Variants in CLNK observed in about 807,000 individuals in gnomAD.
CLNK encodes the protein cytokine-dependent hematopoietic cell linker.
CLNK carries 74 observed loss-of-function variants against 68.6 expected under a neutral mutation model. That is an observed-to-expected ratio of 1.08 (90% CI 0.89 to 1.31). CLNK has a LOEUF of 1.31. Among genes scored for constraint, CLNK ranks in the 50% most tolerant of loss-of-function variants. The pLI is 0.00. For synonymous variants in CLNK, 198 were observed against 172.2 expected, an observed-to-expected ratio of 1.15 and a Z score of -1.17; for missense variants, 553 against 515.3, an observed-to-expected ratio of 1.07 and a Z score of -0.71.
At chr4:10,573,263 G>C (rs1294146176) in intron 4 of CLNK, among the ~76,000 whole-genome samples, 2 of 152,116 alleles carry the variant, frequency 1.3e-5, no homozygotes, top group African/African-American at 4.8e-5. Context: ...TGCAAATTTG[G>C]CTCAGTGGAA....
chr4:10,651,172 AT>A (rs572654808), intron 2 of CLNK, among the ~76,000 whole-genome samples: 2 of 152,210 alleles, frequency 1.3e-5, no homozygotes, highest in Non-Finnish European at 2.9e-5. Context: ...CAGAAATACC[AT>A]TTGACCCAGC....
Position 10,490,476 on chromosome 4 carries a change from C to T in CLNK, c.1278G>A (p.Leu426=). 1 of 1,613,454 alleles carries T rather than the reference C, an allele frequency of 6.2e-7. No homozygotes were observed. Among genetic ancestry groups the T allele is most frequent in the Non-Finnish European group, 8.5e-7 (1 of 1,179,738 alleles). ...TAACACAAAGACCAGGCTACAGAGG[C>T]AAGAGGTGTCTGGTGAGAGGGAGTG... ...TQPLPLTRHL[L]PL Residue 426 remains leucine, a synonymous_variant, in exon 19 of 19, where the codon TTG becomes TTA. Coordinates refer to ENST00000226951, the MANE Select transcript of CLNK (RefSeq NM_052964.4).
Position 10,624,584 on chromosome 4 carries a change from G to A in CLNK, c.12-26535C>T, listed in dbSNP as rs554911677. Among the ~76,000 whole-genome samples, 4 of 143,434 alleles carry A rather than the reference G, an allele frequency of 2.8e-5. No homozygotes were observed. The East Asian group carries it at 8.3e-4, about 30-fold the overall frequency. The allele number at this position is 143,434 out of a possible 152,430, so 94.1% of individuals were successfully genotyped here. A position where few individuals can be genotyped will look rare whatever the true frequency, so the allele number is the denominator to read the frequency against. On this transcript the variant is annotated intron_variant, in intron 2 of 18. Transcript: ENST00000226951. ...TGGGATTACAGGCGTGAGCCACCGC[G>A]CCCGGCCAGTTTTTTTTTTTTTTTT...
intron 17 of CLNK, among the ~76,000 whole-genome samples, chr4:10,502,335 C>A (rs532387349): frequency 1.3e-5 from 2 of 152,028 alleles, no homozygotes; most frequent in Non-Finnish European, 2.9e-5. Context: ...GGGAGAGGAG[C>A]CCCTTATAAA....
intron 2 of CLNK, among the ~76,000 whole-genome samples, chr4:10,633,721 A>G (rs1235823093): frequency 6.6e-6 from 1 of 152,232 alleles, no homozygotes; most frequent in Non-Finnish European, 1.5e-5. Context: ...TTGGCTGTAT[A>G]TACAGAAGCA....
chr4:10,630,417 C>T (rs920621959), intron 2 of CLNK, among the ~76,000 whole-genome samples: 1 of 152,186 alleles, frequency 6.6e-6, no homozygotes, highest in Non-Finnish European at 1.5e-5. Flanking sequence ...GCTGGGATTC[C>T]AACTTGTGTC....
chr4:10,727,560 A>C, the CLNK span, among the ~76,000 whole-genome samples: 1 of 152,218 alleles, frequency 6.6e-6, no homozygotes, highest in Non-Finnish European at 1.5e-5. Context: ...GTGATCAGAC[A>C]GCACTTATTG....
chr4:10,541,476 C>A (rs1017660723), intron 10 of CLNK, among the ~76,000 whole-genome samples: 15 of 152,096 alleles, frequency 9.9e-5, no homozygotes, highest in African/African-American at 2.7e-4. Flanking sequence ...GCTCACAGGT[C>A]CCAGATAGAG....
Position 10,602,942 on chromosome 4 carries a change from C to T in CLNK, c.12-4893G>A, listed in dbSNP as rs539336812. 8.5e-5 allele frequency among the ~76,000 whole-genome samples: 13 copies of T among 152,164 alleles called. 1 individual carries two copies. The highest frequency in any genetic ancestry group is 5.2e-4 in the Admixed American group (8 of 15,280). ...CCAGATGGATGACATGGCAAGTTGA[C>T]GGTGGAGAGTAAGTACAAGAAGCCT... is the stretch of plus-strand genomic sequence containing the variant. On this transcript the variant is annotated intron_variant, in intron 2 of 18. Transcript: ENST00000226951.
the CLNK span, among the ~76,000 whole-genome samples, chr4:10,699,941 T>C: frequency 6.6e-6 from 1 of 152,102 alleles, no homozygotes; most frequent in Non-Finnish European, 1.5e-5. Context: ...TATTTTCCTC[T>C]AATATTTTTT....
chr4:10,495,224 T>C (rs1323602593), intron 18 of CLNK, among the ~76,000 whole-genome samples: 1 of 152,184 alleles, frequency 6.6e-6, no homozygotes, highest in Non-Finnish European at 1.5e-5. Flanking sequence ...ATCTGGAAAT[T>C]GAAATTGAAA....
At chr4:10,584,330 T>G (rs1186372981) in intron 4 of CLNK, among the ~76,000 whole-genome samples, 2 of 152,196 alleles carry the variant, frequency 1.3e-5, no homozygotes, top group African/African-American at 4.8e-5. Flanking sequence ...AATGTCTCCA[T>G]TTTTCTGCCT....
intron 4 of CLNK, among the ~76,000 whole-genome samples, chr4:10,578,258 A>G (rs578158989): frequency 6.6e-6 from 1 of 152,188 alleles, no homozygotes; most frequent in Non-Finnish European, 1.5e-5. Context: ...CACTGCTTTC[A>G]GATCTATATT....
chr4:10,659,193 C>T (rs912305791), intron 2 of CLNK, among the ~76,000 whole-genome samples: 13 of 151,076 alleles, frequency 8.6e-5, no homozygotes, highest in African/African-American at 3.2e-4. Context: ...AAGAGCGAAA[C>T]TCTGTCTCAA....
intron 4 of CLNK, among the ~76,000 whole-genome samples, chr4:10,583,913 T>G (rs1720878125): frequency 6.6e-6 from 1 of 152,152 alleles, no homozygotes; most frequent in South Asian, 2.1e-4. Context: ...GACAAGCCAC[T>G]TCATTCCCAG....
chr4:10,695,999 G>A, the CLNK span, among the ~76,000 whole-genome samples: 1 of 152,140 alleles, frequency 6.6e-6, no homozygotes, highest in African/African-American at 2.4e-5. Flanking sequence ...GGGATTACAG[G>A]TGCCTACCAC....
intron 8 of CLNK, among the ~76,000 whole-genome samples, chr4:10,552,427 C>T (rs541254401): frequency 2.0e-5 from 3 of 152,238 alleles, no homozygotes; most frequent in South Asian, 2.1e-4. Context: ...TGCAACTTCC[C>T]CAGTTATTCC....
intron 17 of CLNK, among the ~76,000 whole-genome samples, chr4:10,506,612 G>T (rs1043745321): frequency 6.6e-6 from 1 of 152,156 alleles, no homozygotes; most frequent in African/African-American, 2.4e-5. Context: ...GAGGAAAGCA[G>T]AAGGAAGCCC....
intron 2 of CLNK, among the ~76,000 whole-genome samples, chr4:10,638,287 C>A (rs560779896): frequency 6.6e-6 from 1 of 152,172 alleles, no homozygotes; most frequent in Admixed American, 6.5e-5. Context: ...ATGTAGGATG[C>A]CTGTGTAATA....
Sources: gnomAD v4.1 joint callset for allele counts (sites outside exome capture counted in the v4.1 genomes callset) on GRCh38, gnomAD v4.1.1 for gene constraint, MANE v1.5 for transcripts, NCBI Gene and HGNC (gene_info 2026-07-23, HGNC 2026-07-21) for gene names.